TRIP12: variants seen among roughly 807,000 people sequenced by gnomAD.
TRIP12 encodes E3 ubiquitin-protein ligase TRIP12.
TRIP12 carries 25 observed loss-of-function variants against 244.2 expected under a neutral mutation model. The observed-to-expected ratio is 0.10, with a 90% CI of 0.07 to 0.14. The LOEUF (loss-of-function observed/expected upper bound fraction) is 0.14, where lower values mean the gene tolerates loss of function less well. Ranked by LOEUF, TRIP12 falls within the 10% of genes least tolerant of loss-of-function variation. TRIP12 has a pLI of 1.00. For synonymous variants in TRIP12, 905 were observed against 873.1 expected (o/e 1.04, Z -0.64); for missense variants, 1,677 against 2,486.4 (o/e 0.67, Z 6.92).
At chr2:229,786,908 A>G (rs1336015713) in intron 33 of TRIP12, among the ~76,000 whole-genome samples, 1 of 152,218 alleles carries the variant, frequency 6.6e-6, no homozygotes, top group Non-Finnish European at 1.5e-5. Flanking sequence ...ATGAACAGAA[A>G]AGACCTAAGT....
rs751693117 is a variant in TRIP12 at position 229,815,129 on chromosome 2, T to C, written c.1701A>G (p.Val567=). The change falls in exon 11 of 42, where the codon GTA becomes GTG. Residue 567 remains valine (V), a synonymous_variant. Coordinates refer to ENST00000675903, the MANE Select transcript of TRIP12 (RefSeq NM_001348323.3). ...CTAAAAAGACAGGAATAGCATCTAC[T>C]ACAACAGCAGAAGATCGAGGAAGTG... ...MEALPRSSAV[V]VDAIPVFLEK... 1 of 1,612,996 alleles carries C rather than the reference T, an allele frequency of 6.2e-7. No homozygotes were observed. The highest frequency in any genetic ancestry group is 8.5e-7 in the Non-Finnish European group (1 of 1,179,542).
chr2:229,878,583 AT>A (rs1197647806), intron 2 of TRIP12, among the ~76,000 whole-genome samples: 61 of 146,948 alleles, frequency 4.2e-4, no homozygotes, highest in Middle Eastern at 3.6e-3. Context: ...TTAAAAAAAA[AT>A]TTTTTTTTTT....
intron 2 of TRIP12, among the ~76,000 whole-genome samples, chr2:229,872,313 C>CA (rs1305539730): frequency 6.6e-6 from 1 of 152,062 alleles, no homozygotes; most frequent in Admixed American, 6.5e-5. Flanking sequence ...CCTGTAATCC[C>CA]AGCACTTTGG....
chr2:229,810,639 CTT>C (rs2047036230), intron 15 of TRIP12, among the ~76,000 whole-genome samples: 1 of 152,142 alleles, frequency 6.6e-6, no homozygotes, highest in South Asian at 2.1e-4. Context: ...ATATTAATGA[CTT>C]TGTATTGTTA....
chr2:229,854,958 G>C (rs929959190), intron 4 of TRIP12, among the ~76,000 whole-genome samples: 1 of 152,058 alleles, frequency 6.6e-6, no homozygotes, highest in African/African-American at 2.4e-5. Context: ...GGTAAACTGG[G>C]AATAAAAATA....
intron 2 of TRIP12, among the ~76,000 whole-genome samples, chr2:229,862,326 C>T: frequency 6.6e-6 from 1 of 151,922 alleles, no homozygotes; most frequent in East Asian, 1.9e-4. Context: ...GAGTTCAACT[C>T]TTTTTTCTTC....
At chr2:229,864,047 A>AGAGAGTGAGTGTGT in intron 2 of TRIP12, among the ~76,000 whole-genome samples, 13 of 79,292 alleles carry the variant, frequency 1.6e-4, no homozygotes, top group South Asian at 1.0e-3. Context: ...AGAGAGAGAG[A>AGAGAGTGAGTGTGT]GTGTGTGTGT....
rs1479069713 is a variant in TRIP12 at position 229,799,053 on chromosome 2, T to C, written c.3308-4A>G. 7.5e-6 allele frequency: 12 copies of C among 1,608,160 alleles called. No homozygotes were observed. The highest frequency in any genetic ancestry group is 1.3e-5 in the African/African-American group (1 of 74,448). ...TGAGTAGTGGTGGGGCTTTTAGCTA[T>C]GAAAAGAAAAAAGAACTACAGTTAA... On this transcript the variant is annotated splice_polypyrimidine_tract_variant and splice_region_variant and intron_variant, in intron 22 of 41. Transcript: ENST00000675903.
intron 34 of TRIP12, among the ~76,000 whole-genome samples, chr2:229,785,324 G>A (rs1042131398): frequency 8.5e-5 from 13 of 152,306 alleles, no homozygotes; most frequent in Admixed American, 7.2e-4. Context: ...AAAGTGAAAT[G>A]GGGGCACTTT....
At chr2:229,815,041 G>A in intron 11 of TRIP12, 58 bp downstream of exon 11, 1 of 1,327,072 alleles carries the variant, frequency 7.5e-7, no homozygotes, top group East Asian at 2.4e-5. Flanking sequence ...AAATTCAAGA[G>A]TTTGAAACTT....
At chr2:229,786,088 G>A (rs899527796) in intron 33 of TRIP12, among the ~76,000 whole-genome samples, 8 of 152,154 alleles carry the variant, frequency 5.3e-5, no homozygotes, top group Admixed American at 2.6e-4. Flanking sequence ...AATTTATCTT[G>A]TGGCCATGGC....
At chr2:229,810,683 T>TA (rs2154278347) in intron 15 of TRIP12, among the ~76,000 whole-genome samples, 197 bp downstream of exon 15, 1 of 152,300 alleles carries the variant, frequency 6.6e-6, no homozygotes, top group East Asian at 1.9e-4. Context: ...AACATTTAAT[T>TA]TATACTTTAA....
At chr2:229,853,207 A>G (rs1314975264) in intron 4 of TRIP12, among the ~76,000 whole-genome samples, 1 of 152,194 alleles carries the variant, frequency 6.6e-6, no homozygotes, top group East Asian at 1.9e-4. Flanking sequence ...GATATCCAAA[A>G]TAAAATAAAA....
At chr2:229,776,779 CTA>C (rs1251831269) in intron 37 of TRIP12, among the ~76,000 whole-genome samples, 1 of 152,098 alleles carries the variant, frequency 6.6e-6, no homozygotes, top group Non-Finnish European at 1.5e-5. Flanking sequence ...AATAATTTAT[CTA>C]TTGTTAATTA....
At chr2:229,848,315 A>T (rs1439497687) in intron 4 of TRIP12, among the ~76,000 whole-genome samples, 1 of 141,914 alleles carries the variant, frequency 7.0e-6, no homozygotes, top group Non-Finnish European at 1.5e-5. Flanking sequence ...TCCAAAATGC[A>T]GGCCCCCCCC....
intron 1 of TRIP12, among the ~76,000 whole-genome samples, chr2:229,898,608 C>T (rs766189607): frequency 1.3e-5 from 2 of 151,856 alleles, no homozygotes; most frequent in Non-Finnish European, 2.9e-5. Context: ...ATACTATATA[C>T]AGTAATAAAA....
intron 2 of TRIP12, among the ~76,000 whole-genome samples, chr2:229,860,757 T>C (rs936306387): frequency 6.6e-6 from 1 of 152,212 alleles, no homozygotes; most frequent in Admixed American, 6.5e-5. Context: ...AAGAGTTTAT[T>C]ATCACCAGTA....
Position 229,800,316 on chromosome 2 carries a change from T to C in TRIP12, c.3207-933A>G, listed in dbSNP as rs73099263. On this transcript the variant is annotated intron_variant, in intron 21 of 41. Coordinates refer to ENST00000675903, the MANE Select transcript of TRIP12 (RefSeq NM_001348323.3). ...TCTGAATTAGAATCATTTGCAAAAT[T>C]AAACACCTGTAGCCTGTTCTAACGA... is the stretch of plus-strand genomic sequence containing the variant. 4.4e-3 allele frequency among the ~76,000 whole-genome samples: 677 copies of C among 152,332 alleles called. 6 individuals carry two copies. Among genetic ancestry groups the C allele is most frequent in the African/African-American group, 0.016 (654 of 41,574 alleles).
At chr2:229,839,404 A>C (rs1302255210) in intron 5 of TRIP12, among the ~76,000 whole-genome samples, 3 of 152,100 alleles carry the variant, frequency 2.0e-5, no homozygotes, top group Non-Finnish European at 4.4e-5. Context: ...CTGGCCGGGC[A>C]CGGTGGCTCA....
Sources: gnomAD v4.1 joint callset for allele counts (sites outside exome capture counted in the v4.1 genomes callset) on GRCh38, gnomAD v4.1.1 for gene constraint, MANE v1.5 for transcripts, NCBI Gene and HGNC (gene_info 2026-07-23, HGNC 2026-07-21) for gene names.